Variants in FAM114A1 observed in about 807,000 individuals in gnomAD.
The protein encoded by FAM114A1 is protein NOXP20.
FAM114A1 carries 62 observed loss-of-function variants against 64.3 expected under a neutral mutation model. That is an observed-to-expected ratio of 0.96 (90% confidence interval 0.79 to 1.19). The LOEUF (loss-of-function observed/expected upper bound fraction) is 1.19. Ranked by LOEUF, FAM114A1 falls within the 50% of genes most tolerant of loss-of-function variation. The pLI, the probability that FAM114A1 is intolerant of heterozygous loss-of-function variation, is 0.00. For synonymous variants in FAM114A1, 254 were observed against 251.1 expected, an observed-to-expected ratio of 1.01 and a Z score of -0.11; for missense variants, 645 against 676.3, an observed-to-expected ratio of 0.95 and a Z score of 0.51.
rs1183110749 is a variant in FAM114A1 at position 38,943,606 on chromosome 4, C to T, written c.*49C>T. ...AAGGAGACAGCTGGCCGCCTTGCCT[C>T]AATATGTACCATTTAAGGGGATGTT... On this transcript the variant is annotated 3_prime_UTR_variant, in exon 15 of 15. Coordinates refer to ENST00000358869, the MANE Select transcript of FAM114A1 (RefSeq NM_138389.4). The T allele has an allele frequency of 1.3e-6, 2 of 1,495,524 alleles. No individual in the cohort carries two copies. Among genetic ancestry groups the T allele is most frequent in the South Asian group, 2.3e-5 (2 of 88,246 alleles). The allele number at this position is 1,495,524 out of a possible 1,614,324, so 92.6% of individuals were successfully genotyped here.
chr4:38,930,666 C>A (rs975144342), intron 10 of FAM114A1, among the ~76,000 whole-genome samples: 1 of 152,128 alleles, frequency 6.6e-6, no homozygotes, highest in Non-Finnish European at 1.5e-5. Context: ...TAAGATTTAA[C>A]GTGGGAAGTA....
intron 12 of FAM114A1, 33 bp downstream of exon 12, chr4:38,932,407 C>T (rs1319888133): frequency 7.7e-6 from 12 of 1,564,460 alleles, no homozygotes. Flanking sequence ...TCTTATTTTC[C>T]CAGTTTTATA....
At chr4:38,927,777 A>T (rs1392501829) in intron 9 of FAM114A1, among the ~76,000 whole-genome samples, 1 of 152,118 alleles carries the variant, frequency 6.6e-6, no homozygotes, top group African/African-American at 2.4e-5. Flanking sequence ...TCTGCCTCCC[A>T]GGTTCAAGTG....
intron 9 of FAM114A1, chr4:38,929,009 C>T (rs1191580056): frequency 1.6e-5 from 8 of 494,688 alleles, no homozygotes; most frequent in Non-Finnish European, 2.6e-5. Flanking sequence ...TGGGGGTGTC[C>T]CTGCTGGAGC....
intron 8 of FAM114A1, 65 bp from the exon 9 acceptor site, chr4:38,922,705 C>A: frequency 6.5e-7 from 1 of 1,545,582 alleles, no homozygotes; most frequent in Non-Finnish European, 8.7e-7. Context: ...CTGGGGACCG[C>A]TGTGTGTAAA....
At chr4:38,918,030 A>G (rs1460428735) in intron 8 of FAM114A1, among the ~76,000 whole-genome samples, 1 of 151,994 alleles carries the variant, frequency 6.6e-6, no homozygotes, top group Admixed American at 6.6e-5. Flanking sequence ...CAGCCTGACC[A>G]ACATGATGAA....
In FAM114A1 at chr4:38,905,983, A is replaced by G. The variant is rs946072048; in HGVS notation, c.657+122A>G. The G allele has an allele frequency of 6.1e-6, 5 of 823,800 alleles. No homozygotes were observed. In the African/African-American group the frequency reaches 7.0e-5, roughly 12 times the overall value. The allele number at this position is 823,800 out of a possible 1,614,324, so 51.0% of individuals were successfully genotyped here. ...ATGGCCTTGCTCAGAACTTTGGATT[A>G]TGGTTTTTTTTTTAATGTTTTCTGC... On this transcript the variant is annotated intron_variant, in intron 6 of 14. Transcript: ENST00000358869.
intron 2 of FAM114A1, among the ~76,000 whole-genome samples, chr4:38,870,100 G>C (rs145010665): frequency 4.8e-4 from 73 of 152,214 alleles, no homozygotes; most frequent in African/African-American, 1.7e-3. Flanking sequence ...AGGGATACTG[G>C]GACCAGAGGC....
At chr4:38,904,121 A>G (rs1717769880) in intron 4 of FAM114A1, among the ~76,000 whole-genome samples, 1 of 152,108 alleles carries the variant, frequency 6.6e-6, no homozygotes, top group Admixed American at 6.5e-5. Flanking sequence ...TTTTCCTCAT[A>G]TTACTGCCTT....
intron 9 of FAM114A1, 119 bp from the exon 10 acceptor site, chr4:38,929,123 G>T (rs1283368344): frequency 2.2e-5 from 16 of 744,162 alleles, no homozygotes; most frequent in Non-Finnish European, 3.5e-5. Context: ...CGGCTGGCGG[G>T]CAGGCTGCTA....
chr4:38,935,766 T>C lies in FAM114A1; in HGVS notation c.1512T>C (p.Phe504=). ...AAGTGGCCTCTTTATCAAAGAAGTT[T>C]ACGAATTCTTTAACCACTGTTGGGG... The part of the protein sequence containing the change: ...CNEVASLSKK[F]TNSLTTVGSN... The change falls in exon 13 of 15, where the codon TTT becomes TTC. Residue 504 remains phenylalanine, a synonymous_variant. Coordinates refer to ENST00000358869, the MANE Select transcript of FAM114A1 (RefSeq NM_138389.4). 1.2e-6 allele frequency: 2 copies of C among 1,611,972 alleles called. No homozygotes were observed. The highest frequency in any genetic ancestry group is 1.7e-6 in the Non-Finnish European group (2 of 1,178,262).
At chr4:38,869,976 G>T (rs534498129) in intron 2 of FAM114A1, among the ~76,000 whole-genome samples, 1 of 152,182 alleles carries the variant, frequency 6.6e-6, no homozygotes, top group Non-Finnish European at 1.5e-5. Flanking sequence ...TCACAGACTT[G>T]CCCCAGTCCT....
chr4:38,928,755 C>T (rs1042412312), intron 9 of FAM114A1, among the ~76,000 whole-genome samples: 7 of 152,160 alleles, frequency 4.6e-5, no homozygotes, highest in South Asian at 2.1e-4. Flanking sequence ...GAGACTAATT[C>T]GGTTTATTCA....
chr4:38,867,915 G>A (rs1052225912), intron 1 of FAM114A1, 81 bp downstream of exon 1: 4 of 219,304 alleles, frequency 1.8e-5, no homozygotes, highest in South Asian at 5.1e-5. Context: ...GGGGTGGTGG[G>A]AACACCATAC....
At chr4:38,929,061 T>C in intron 9 of FAM114A1, 181 bp from the exon 10 acceptor site, 1 of 583,668 alleles carries the variant, frequency 1.7e-6, no homozygotes, top group South Asian at 1.8e-5. Context: ...CCCGGATGCA[T>C]CTGCTGCCTC....
intron 12 of FAM114A1, among the ~76,000 whole-genome samples, chr4:38,935,441 C>T (rs1405075804): frequency 3.3e-5 from 5 of 152,134 alleles, no homozygotes; most frequent in Non-Finnish European, 5.9e-5. Context: ...CTGATATTTT[C>T]CTGCACATGA....
chr4:38,912,886 T>C (rs1257276931), intron 7 of FAM114A1, among the ~76,000 whole-genome samples: 1 of 152,248 alleles, frequency 6.6e-6, no homozygotes, highest in African/African-American at 2.4e-5. Context: ...TAGTTTTTAT[T>C]GCCAGTGTTA....
intron 4 of FAM114A1, 120 bp from the exon 5 acceptor site, chr4:38,905,399 TTAA>T: frequency 2.7e-6 from 2 of 736,392 alleles, no homozygotes; most frequent in African/African-American, 1.9e-5. Context: ...ACTCCATCTT[TTAA>T]AAAAAAAAAA....
chr4:38,887,413 T>C (rs1017224409), intron 3 of FAM114A1, among the ~76,000 whole-genome samples: 23 of 152,218 alleles, frequency 1.5e-4, no homozygotes, highest in African/African-American at 4.8e-4. Flanking sequence ...TATAATATAT[T>C]CTACTTCCTT....
Sources: allele counts gnomAD v4.1 joint callset (sites outside exome capture counted in the v4.1 genomes callset), GRCh38; gene constraint gnomAD v4.1.1; transcripts MANE v1.5; gene names NCBI Gene and HGNC (gene_info 2026-07-23, HGNC 2026-07-21).